KCNQ5: variants seen among roughly 807,000 people sequenced by gnomAD.
The protein encoded by KCNQ5 is potassium voltage-gated channel subfamily Q member 5, also known as potassium voltage-gated channel subfamily KQT member 5.
In KCNQ5, 30 loss-of-function variants were observed where a neutral mutation model predicts 98.2. The observed-to-expected ratio is 0.31, with a 90% CI of 0.23 to 0.41. The LOEUF is 0.41. KCNQ5 is among the 10% of genes least tolerant of loss of function. KCNQ5 has a pLI of 1.00. For missense variants in KCNQ5, 835 were observed against 1,182.5 expected, an observed-to-expected ratio of 0.71 and a Z score of 4.31; for synonymous variants, 458 against 449.4, an observed-to-expected ratio of 1.02 and a Z score of -0.24.
intron 1 of KCNQ5, among the ~76,000 whole-genome samples, chr6:72,775,832 T>C (rs552011937): frequency 8.5e-4 from 129 of 152,180 alleles, no homozygotes; most frequent in African/African-American, 3.0e-3. Context: ...GTCAAGGTCA[T>C]CCAAAACAAG....
At chr6:72,852,662 A>ATATATAT (rs1389810749) in intron 1 of KCNQ5, among the ~76,000 whole-genome samples, 10 of 38,316 alleles carry the variant, frequency 2.6e-4, no homozygotes, top group South Asian at 8.8e-4. Flanking sequence ...TATATATATA[A>ATATATAT]ATGGCACTTA....
intron 3 of KCNQ5, among the ~76,000 whole-genome samples, chr6:73,075,491 G>A (rs1773498799): frequency 6.6e-6 from 1 of 152,236 alleles, no homozygotes; most frequent in Non-Finnish European, 1.5e-5. Flanking sequence ...AAAGTGCTGG[G>A]ATTACAAGTG....
At position 73,134,098 on chromosome 6, in the gene KCNQ5, C is replaced by G. The variant is rs186602341; in HGVS notation, c.1468+457C>G. ...AGGTGCTCTTTCCCTCTCTCACACA[C>G]TCCATCTACCAGCAAATCAGAGACC... On this transcript the variant is annotated intron_variant, in intron 10 of 13. Transcript: ENST00000370398. 958 of 408,064 alleles carry G rather than the reference C, an allele frequency of 2.3e-3. 1 individual carries two copies. The highest frequency in any genetic ancestry group is 3.8e-3 in the Non-Finnish European group (757 of 201,306). 25.3% of individuals were successfully genotyped at this position (408,064 alleles called of 1,614,324 possible).
At chr6:72,909,853 A>G (rs1351085542) in intron 1 of KCNQ5, among the ~76,000 whole-genome samples, 1 of 152,214 alleles carries the variant, frequency 6.6e-6, no homozygotes, top group Non-Finnish European at 1.5e-5. Flanking sequence ...GCAATTTTAC[A>G]TTAAGTGAGA....
At chr6:72,746,064 C>CAAAAA (rs59726566) in intron 1 of KCNQ5, among the ~76,000 whole-genome samples, 47 of 80,208 alleles carry the variant, frequency 5.9e-4, no homozygotes, top group African/African-American at 1.6e-3. Flanking sequence ...ACTCTATTTG[C>CAAAAA]AAAAAAAAAA....
chr6:73,009,282 G>C (rs936172124), intron 2 of KCNQ5, among the ~76,000 whole-genome samples: 5 of 152,072 alleles, frequency 3.3e-5, no homozygotes, highest in Non-Finnish European at 7.4e-5. Flanking sequence ...GTGAGCCACT[G>C]TGCCCAGCCT....
Position 72,748,598 on chromosome 6 carries a change from T to G in KCNQ5, c.398+126011T>G, listed in dbSNP as rs76069362. ...CCATAATTTAAGGAGTTTCTTGCTTTGTTTCTACCTTCATTAAGGGATATG... is the reference window on the plus strand; with the variant it reads ...CCATAATTTAAGGAGTTTCTTGCTTGGTTTCTACCTTCATTAAGGGATATG... On this transcript the variant is annotated intron_variant, in intron 1 of 13. Coordinates refer to ENST00000370398, the MANE Select transcript of KCNQ5 (RefSeq NM_019842.4). Among the ~76,000 whole-genome samples, 901 of 152,272 alleles carry G rather than the reference T, an allele frequency of 5.9e-3. 14 individuals are homozygous for G. The highest frequency in any genetic ancestry group is 0.02 in the African/African-American group (825 of 41,566).
chr6:72,806,928 A>T, intron 1 of KCNQ5: 1 of 365,026 alleles, frequency 2.7e-6, no homozygotes, highest in South Asian at 2.1e-5. Flanking sequence ...TCTTTCTATA[A>T]ACAATAAACA....
At chr6:73,025,141 G>A (rs1770814547) in intron 2 of KCNQ5, among the ~76,000 whole-genome samples, 1 of 152,164 alleles carries the variant, frequency 6.6e-6, no homozygotes, top group Non-Finnish European at 1.5e-5. Flanking sequence ...GCCAGAAAAA[G>A]TGAAAAGTGA....
intron 8 of KCNQ5, among the ~76,000 whole-genome samples, chr6:73,123,061 A>G (rs1775809534): frequency 6.6e-6 from 1 of 151,950 alleles, no homozygotes; most frequent in Non-Finnish European, 1.5e-5. Context: ...TTCAACAATT[A>G]CTCATTGAGC....
chr6:72,736,614 C>T (rs1770858977), intron 1 of KCNQ5, among the ~76,000 whole-genome samples: 1 of 143,604 alleles, frequency 7.0e-6, no homozygotes, highest in Non-Finnish European at 1.5e-5. Flanking sequence ...ATTCTCCTGC[C>T]TCAGCCTCCC....
chr6:72,902,013 A>G (rs1018763436), intron 1 of KCNQ5, among the ~76,000 whole-genome samples: 2 of 152,092 alleles, frequency 1.3e-5, no homozygotes, highest in Non-Finnish European at 1.5e-5. Context: ...TGTATCATCT[A>G]TGATTTCTTT....
intron 1 of KCNQ5, among the ~76,000 whole-genome samples, chr6:72,825,123 GA>G (rs933170150): frequency 6.6e-6 from 1 of 150,954 alleles, no homozygotes. Flanking sequence ...AGGCTAGGGA[GA>G]AAAAAACAAA....
At chr6:73,072,774 A>C (rs1013290039) in intron 3 of KCNQ5, among the ~76,000 whole-genome samples, 2 of 152,176 alleles carry the variant, frequency 1.3e-5, no homozygotes, top group African/African-American at 4.8e-5. Flanking sequence ...ATACCTTGTA[A>C]ACCTATATTT....
chr6:72,718,885 T>C (rs947160494), intron 1 of KCNQ5, among the ~76,000 whole-genome samples: 3 of 152,234 alleles, frequency 2.0e-5, no homozygotes, highest in African/African-American at 7.2e-5. Flanking sequence ...GTATATCAAT[T>C]GCTCTTTTTT....
intron 3 of KCNQ5, among the ~76,000 whole-genome samples, chr6:73,071,587 G>C (rs1191901678): frequency 6.6e-6 from 1 of 152,118 alleles, no homozygotes; most frequent in Non-Finnish European, 1.5e-5. Context: ...AGAACCTCAG[G>C]CTGCCTCCAC....
At chr6:72,800,960 T>C (rs1281206815) in intron 1 of KCNQ5, among the ~76,000 whole-genome samples, 1 of 151,976 alleles carries the variant, frequency 6.6e-6, no homozygotes, top group Non-Finnish European at 1.5e-5. Context: ...TAATCCTGAG[T>C]TCTAGTTTGA....
At chr6:73,167,313 C>T (rs981938814) in intron 10 of KCNQ5, among the ~76,000 whole-genome samples, 12 of 152,222 alleles carry the variant, frequency 7.9e-5, no homozygotes, top group African/African-American at 2.9e-4. Flanking sequence ...AGGCAACACA[C>T]ACGTGTAGTG....
At chr6:72,648,598 A>G (rs966933577) in intron 1 of KCNQ5, among the ~76,000 whole-genome samples, 5 of 152,002 alleles carry the variant, frequency 3.3e-5, no homozygotes, top group African/African-American at 1.2e-4. Flanking sequence ...ATTTTTTTTT[A>G]ATGTTTAGAC....
Sources: gnomAD v4.1 joint callset for allele counts (sites outside exome capture counted in the v4.1 genomes callset) on GRCh38, gnomAD v4.1.1 for gene constraint, MANE v1.5 for transcripts, NCBI Gene and HGNC (gene_info 2026-07-23, HGNC 2026-07-21) for gene names.